The following LAIR2 variants were observed in gnomAD, a reference collection of about 807,000 sequenced individuals.
LAIR2 encodes the protein leukocyte associated immunoglobulin like receptor 2.
Under a neutral mutation model 14.8 loss-of-function variants are expected in LAIR2, and 14 were observed. The observed-to-expected ratio is 0.95, with a 90% CI of 0.62 to 1.48. The LOEUF (loss-of-function observed/expected upper bound fraction) is 1.48, where lower values mean the gene tolerates loss of function less well. LAIR2 is among the 40% of genes most tolerant of loss of function. LAIR2 has a pLI of 0.00. For synonymous variants in LAIR2, 75 were observed against 74.5 expected, an observed-to-expected ratio of 1.01 and a Z score of -0.03; for missense variants, 172 against 180.9, an observed-to-expected ratio of 0.95 and a Z score of 0.28.
At chr19:54,505,262 A>T (rs1489294994) in intron 2 of LAIR2, among the ~76,000 whole-genome samples, 1 of 151,908 alleles carries the variant, frequency 6.6e-6, no homozygotes, top group Non-Finnish European at 1.5e-5. Flanking sequence ...CCCACACTTC[A>T]CTCGGCAGCT....
At chr19:54,505,841 G>C (rs997473477) in intron 2 of LAIR2, among the ~76,000 whole-genome samples, 1 of 143,322 alleles carries the variant, frequency 7.0e-6, no homozygotes, top group African/African-American at 2.6e-5. Context: ...TTTTTTTTGA[G>C]ATGGTGTTTC....
chr19:54,510,508 A>T lies in LAIR2; in HGVS notation c.416-18A>T, dbSNP rs757439871. On this transcript the variant is annotated intron_variant, in intron 4 of 4. Transcript: ENST00000301202. The stretch of plus-strand genomic sequence containing the variant: ...GGGATGCTCCTATTAATACTGAGGA[A>T]GTATTTTGTCCTCACAGGGACTGTG... The T allele has an allele frequency of 1.9e-6, 3 of 1,603,048 alleles. No homozygotes were observed. The Admixed American group carries it at 5.0e-5, about 27-fold the overall frequency.
At chr19:54,506,188 T>C (rs1404826912) in intron 2 of LAIR2, among the ~76,000 whole-genome samples, 3 of 152,158 alleles carry the variant, frequency 2.0e-5, no homozygotes, top group Non-Finnish European at 4.4e-5. Flanking sequence ...GTATTTGTCA[T>C]GTCCAATATG....
chr19:54,508,884 G>GCCT (rs2085416797), intron 3 of LAIR2, 151 bp from the exon 4 acceptor site: 1 of 450,976 alleles, frequency 2.2e-6, no homozygotes, highest in Admixed American at 3.3e-5. Flanking sequence ...GCTCTCCCCA[G>GCCT]CCTCCTGTCC....
Position 54,502,983 on chromosome 19 carries a change from A to C in LAIR2, c.34+31A>C, listed in dbSNP as rs761772899. ...TCCTGGAGGGAGCGGGAAGGACTGG[A>C]AAGGGGGTCGGGAGGTCTGGAAAGT... is the stretch of plus-strand genomic sequence containing the variant. On this transcript the variant is annotated intron_variant, in intron 1 of 4. Coordinates refer to ENST00000301202, the MANE Select transcript of LAIR2 (RefSeq NM_002288.6). 7 of 1,600,594 alleles carry C rather than the reference A, an allele frequency of 4.4e-6. No homozygotes were observed. The South Asian group carries it at 6.7e-5, about 15-fold the overall frequency.
chr19:54,509,300 T>C (rs2085427331), intron 4 of LAIR2, among the ~76,000 whole-genome samples: 1 of 147,292 alleles, frequency 6.8e-6, no homozygotes. Context: ...TGCCAGGAAC[T>C]GTGGAAAGCA....
intron 2 of LAIR2, among the ~76,000 whole-genome samples, chr19:54,504,767 G>C (rs538776094): frequency 5.9e-5 from 9 of 152,020 alleles, no homozygotes; most frequent in Non-Finnish European, 1.0e-4. Flanking sequence ...ATGCCACCAC[G>C]CCCAGCTAAT....
chr19:54,504,803 T>A (rs950029340), intron 2 of LAIR2, among the ~76,000 whole-genome samples: 1 of 152,136 alleles, frequency 6.6e-6, no homozygotes, highest in Non-Finnish European at 1.5e-5. Context: ...AGAGATGGGG[T>A]TTCACCATGT....
intron 2 of LAIR2, among the ~76,000 whole-genome samples, chr19:54,505,346 A>G (rs1448121534): frequency 3.3e-5 from 5 of 152,204 alleles, no homozygotes; most frequent in African/African-American, 1.2e-4. Context: ...TCCTGGATGC[A>G]CCATGTCACC....
chr19:54,508,530 A>C (rs932480811), intron 3 of LAIR2, among the ~76,000 whole-genome samples: 1 of 152,178 alleles, frequency 6.6e-6, no homozygotes, highest in African/African-American at 2.4e-5. Flanking sequence ...CTTTTCACAC[A>C]GGATTGATGG....
chr19:54,503,586 C>T lies in LAIR2; in HGVS notation c.35-114C>T, dbSNP rs1008135718. On this transcript the variant is annotated intron_variant, in intron 1 of 4. Coordinates refer to ENST00000301202, the MANE Select transcript of LAIR2 (RefSeq NM_002288.6). ...AGACAGTGATGTCGAGGAGGGTTGG[C>T]TTGGTCGTTATGAAATGCTGAATGC... 3.1e-6 allele frequency: 4 copies of T among 1,306,800 alleles called. No individual in the cohort carries two copies. The African/African-American group carries it at 4.4e-5, about 14-fold the overall frequency. The allele number at this position is 1,306,800 out of a possible 1,614,324, so 81.0% of individuals were successfully genotyped here.
intron 1 of LAIR2, among the ~76,000 whole-genome samples, chr19:54,503,317 G>C (rs1348793569): frequency 6.6e-6 from 1 of 152,070 alleles, no homozygotes; most frequent in Non-Finnish European, 1.5e-5. Flanking sequence ...AATTAGCCGG[G>C]CATGGTGGCG....
At chr19:54,505,020 T>C (rs1040021008) in intron 2 of LAIR2, among the ~76,000 whole-genome samples, 6 of 152,328 alleles carry the variant, frequency 3.9e-5, no homozygotes, top group African/African-American at 1.2e-4. Flanking sequence ...TGACAGAATG[T>C]CCTTCCTTTT....
chr19:54,503,414 C>T lies in LAIR2; in HGVS notation c.35-286C>T, dbSNP rs375472307. Among the ~76,000 whole-genome samples the T allele has an allele frequency of 2.1e-3, 312 of 151,990 alleles. 5 individuals are homozygous for T. In the East Asian group the frequency reaches 0.042, roughly 20 times the overall value. ...TGGAGGTTGCAGTGAGCTAAGATCG[C>T]GCCACTGCACTCTAGCGTGGGCGAC... On this transcript the variant is annotated intron_variant, in intron 1 of 4. Transcript: ENST00000301202.
chr19:54,505,579 C>T (rs28411318), intron 2 of LAIR2, among the ~76,000 whole-genome samples: 18,917 of 151,834 alleles, frequency 0.12, 1,603 homozygotes, highest in African/African-American at 0.23. Context: ...TTTTAAATTG[C>T]ATTCAAAAAT....
intron 2 of LAIR2, among the ~76,000 whole-genome samples, chr19:54,504,911 A>T (rs1343963577): frequency 6.6e-6 from 1 of 152,082 alleles, no homozygotes; most frequent in Admixed American, 6.6e-5. Flanking sequence ...CACCCGGCCG[A>T]GATGAACTTT....
At position 54,507,521 on chromosome 19, in the gene LAIR2, A is replaced by G. The variant is rs942953242; in HGVS notation, c.71-370A>G. 5.9e-5 allele frequency among the ~76,000 whole-genome samples: 9 copies of G among 151,934 alleles called. 1 individual carries two copies. The highest frequency in any genetic ancestry group is 8.8e-5 in the Non-Finnish European group (6 of 67,898). On this transcript the variant is annotated intron_variant, in intron 2 of 4. Coordinates refer to ENST00000301202, the MANE Select transcript of LAIR2 (RefSeq NM_002288.6). ...CTTCCCTGTCCCTTGTCCTTCACGA[A>G]TGACCCTGTCATCCCCATCGTGTGC...
chr19:54,504,599 A>G (rs752837793), intron 2 of LAIR2, among the ~76,000 whole-genome samples: 13 of 151,906 alleles, frequency 8.6e-5, no homozygotes, highest in Middle Eastern at 3.2e-3. Context: ...ACTCTGTGAG[A>G]TGACCTTTTT....
At chr19:54,510,120 C>A (rs2085442870) in intron 4 of LAIR2, among the ~76,000 whole-genome samples, 1 of 145,568 alleles carries the variant, frequency 6.9e-6, no homozygotes, top group Non-Finnish European at 1.5e-5. Flanking sequence ...TCCCGCAGAC[C>A]TGGTTCAAGT....
Sources: allele counts gnomAD v4.1 joint callset (sites outside exome capture counted in the v4.1 genomes callset), GRCh38; gene constraint gnomAD v4.1.1; transcripts MANE v1.5; gene names NCBI Gene and HGNC (gene_info 2026-07-23, HGNC 2026-07-21).